Variants in CFAP20DC observed in about 807,000 individuals in gnomAD.
CFAP20DC encodes the protein protein CFAP20DC.
In CFAP20DC, 84 loss-of-function variants were observed where a neutral mutation model predicts 101.7. That is an observed-to-expected ratio of 0.83 (90% CI 0.69 to 0.99). The LOEUF (loss-of-function observed/expected upper bound fraction) is 0.99. Among genes scored for constraint, CFAP20DC ranks in the 50% least tolerant of loss-of-function variants. The pLI is 0.00. For missense variants in CFAP20DC, 1,007 were observed against 970.3 expected (o/e 1.04, Z -0.50); for synonymous variants, 359 against 351.2 (o/e 1.02, Z -0.25).
intron 15 of CFAP20DC, among the ~76,000 whole-genome samples, chr3:58,778,696 T>C (rs1361951404): frequency 6.6e-6 from 1 of 152,230 alleles, no homozygotes; most frequent in Non-Finnish European, 1.5e-5. Flanking sequence ...ATCCAGTGTA[T>C]GCTGCCCTGG....
chr3:58,932,808 A>G (rs1282831942), intron 5 of CFAP20DC, among the ~76,000 whole-genome samples: 6 of 152,240 alleles, frequency 3.9e-5, no homozygotes, highest in African/African-American at 1.2e-4. Context: ...AGTACCAGCA[A>G]CTGCAAAATC....
At chr3:58,876,884 G>C (rs2080795724) in intron 7 of CFAP20DC, among the ~76,000 whole-genome samples, 1 of 152,196 alleles carries the variant, frequency 6.6e-6, no homozygotes, top group South Asian at 2.1e-4. Context: ...TGTAGTATAT[G>C]TGCATTGCTA....
intron 15 of CFAP20DC, among the ~76,000 whole-genome samples, chr3:58,785,219 A>G (rs2072223124): frequency 6.6e-6 from 1 of 152,098 alleles, no homozygotes; most frequent in Non-Finnish European, 1.5e-5. Context: ...CATATGTGAG[A>G]GTTCAAAAAG....
intron 12 of CFAP20DC, among the ~76,000 whole-genome samples, chr3:58,853,615 A>G (rs1201077758): frequency 6.6e-6 from 1 of 152,050 alleles, no homozygotes; most frequent in African/African-American, 2.4e-5. Flanking sequence ...ATCCAGCAGC[A>G]CATCAAAATG....
In CFAP20DC at chr3:58,868,487, C is replaced by A. The variant is rs186904264; in HGVS notation, c.1016-551G>T. Among the ~76,000 whole-genome samples the A allele has an allele frequency of 6.6e-6, 1 of 152,112 alleles. No homozygotes were observed. Among genetic ancestry groups the A allele is most frequent in the Non-Finnish European group, 1.5e-5 (1 of 68,006 alleles). On this transcript the variant is annotated intron_variant, in intron 9 of 16. Transcript: ENST00000482387. The surrounding 1 kb of genome is among the most constrained non-coding windows in gnomAD (Gnocchi z 4.6). ...CACTTAACTGGCTTTTCCCCTGAAT[C>A]CTCACAATGACCCTTTGAGGCACCT...
At chr3:58,880,016 T>G (rs1033031192) in intron 7 of CFAP20DC, among the ~76,000 whole-genome samples, 5 of 151,952 alleles carry the variant, frequency 3.3e-5, no homozygotes, top group Non-Finnish European at 7.4e-5. Context: ...TTTAATTTTA[T>G]AGCAAGTCTT....
intron 5 of CFAP20DC, among the ~76,000 whole-genome samples, chr3:58,935,822 A>T (rs1308480676): frequency 6.6e-6 from 1 of 152,238 alleles, no homozygotes; most frequent in Non-Finnish European, 1.5e-5. Flanking sequence ...TAAAAACCCT[A>T]GAAGAAAACC....
intron 15 of CFAP20DC, among the ~76,000 whole-genome samples, chr3:58,760,566 A>G (rs866483445): frequency 0.027 from 4,137 of 152,142 alleles, 188 homozygotes; most frequent in African/African-American, 0.092. Flanking sequence ...AACTTCCAAC[A>G]CTATGTTGAA....
intron 3 of CFAP20DC, among the ~76,000 whole-genome samples, chr3:59,045,706 T>C (rs1250777168): frequency 1.3e-5 from 2 of 152,154 alleles, no homozygotes; most frequent in Non-Finnish European, 2.9e-5. Context: ...TTATGATTAA[T>C]ATTAAAAGGT....
At chr3:58,796,800 C>A (rs1453713187) in intron 15 of CFAP20DC, among the ~76,000 whole-genome samples, 1 of 152,170 alleles carries the variant, frequency 6.6e-6, no homozygotes, top group Non-Finnish European at 1.5e-5. Flanking sequence ...ACAGCATGGG[C>A]TCACTTTGTG....
chr3:58,740,490 G>A (rs760593963), downstream of CFAP20DC, among the ~76,000 whole-genome samples: 1 of 152,164 alleles, frequency 6.6e-6, no homozygotes, highest in Non-Finnish European at 1.5e-5. This position sits in a 1 kb window ranked among gnomAD's most constrained non-coding sequence, Gnocchi z 4.6. Context: ...GGGCTGCTCT[G>A]ATGTCTGTGC....
In CFAP20DC at chr3:58,728,438, A is replaced by T. The variant is rs2067587031; in HGVS notation, c.198-10810T>A. Among the ~76,000 whole-genome samples, 1 of 152,144 alleles carries T rather than the reference A, an allele frequency of 6.6e-6. No individual in the cohort carries two copies. The highest frequency in any genetic ancestry group is 1.9e-4 in the East Asian group (1 of 5,194). On this transcript the variant is annotated intron_variant, in intron 3 of 3. Transcript: ENST00000486145. This position sits in a 1 kb window ranked among gnomAD's most constrained non-coding sequence, Gnocchi z 4.7. Reference sequence around the variant, plus strand: ...GAATTTTGATGTTTGTGTTATTCAGACCTTTACGTGATTTGTAAAAACTTC... The same window carrying T: ...GAATTTTGATGTTTGTGTTATTCAGTCCTTTACGTGATTTGTAAAAACTTC...
rs9852739 is a variant in CFAP20DC at position 58,868,109 on chromosome 3, G to A, written c.1016-173C>T. ...GAAAATAGGCATTTATTCCTATTCC[G>A]ATATTGGGATCCTATCAGGCTTTCA... On this transcript the variant is annotated intron_variant, in intron 9 of 16. Transcript: ENST00000482387. The surrounding 1 kb of genome is among the most constrained non-coding windows in gnomAD (Gnocchi z 4.6). Among the ~76,000 whole-genome samples the A allele has an allele frequency of 6.6e-6, 1 of 152,034 alleles. No individual in the cohort carries two copies. Among genetic ancestry groups the A allele is most frequent in the Non-Finnish European group, 1.5e-5 (1 of 68,000 alleles).
At chr3:58,981,792 C>A (rs2092558728) in intron 4 of CFAP20DC, among the ~76,000 whole-genome samples, 2 of 152,142 alleles carry the variant, frequency 1.3e-5, no homozygotes, top group Admixed American at 6.5e-5. Flanking sequence ...AGGACATAGG[C>A]ATGGGCAAGG....
intron 4 of CFAP20DC, among the ~76,000 whole-genome samples, chr3:58,990,967 T>G (rs1332533985): frequency 3.3e-5 from 5 of 152,330 alleles, no homozygotes; most frequent in Non-Finnish European, 7.4e-5. Context: ...GCAAACTTCA[T>G]GAAGACAGAG....
At position 58,869,364 on chromosome 3, in the gene CFAP20DC, T is replaced by C; in HGVS notation, c.979A>G (p.Asn327Asp). Residue 327 changes from asparagine to aspartate, a missense_variant, in exon 9 of 17, where the codon AAT becomes GAT. Asn to Asp is a conservative substitution (Grantham distance 23). Coordinates refer to ENST00000482387, the MANE Select transcript of CFAP20DC (RefSeq NM_001394063.1). This position sits in a 1 kb window ranked among gnomAD's most constrained non-coding sequence, Gnocchi z 4.3. The part of the protein sequence containing the change: ...PESEEQGNKE[N>D]IHQIKQTVPI... ...ACAGTCTGCTTTATTTGGTGAATAT[T>C]TTCTTTATTTCCTTGTTCCTCAGAC... The C allele has an allele frequency of 6.2e-7, 1 of 1,613,762 alleles. No homozygotes were observed. Among genetic ancestry groups the C allele is most frequent in the Non-Finnish European group, 8.5e-7 (1 of 1,179,762 alleles).
At chr3:58,808,175 C>A (rs188878760) in intron 14 of CFAP20DC, among the ~76,000 whole-genome samples, 92 of 152,266 alleles carry the variant, frequency 6.0e-4, no homozygotes, top group African/African-American at 6.5e-4. Flanking sequence ...CCCAATCTAG[C>A]AAGGCAGGCT....
intron 5 of CFAP20DC, among the ~76,000 whole-genome samples, chr3:58,921,520 C>T (rs1339590942): frequency 6.6e-6 from 1 of 151,946 alleles, no homozygotes. Flanking sequence ...AAGTATGTTA[C>T]TTTATTTCAA....
chr3:58,867,964 C>T (rs1251378728), intron 9 of CFAP20DC, 28 bp from the exon 10 acceptor site: 2 of 1,582,590 alleles, frequency 1.3e-6, no homozygotes, highest in Admixed American at 3.6e-5. Context: ...AGCACAAAAG[C>T]CAGAACAGAA....
Sources: allele counts gnomAD v4.1 joint callset (sites outside exome capture counted in the v4.1 genomes callset), GRCh38; gene constraint gnomAD v4.1.1; non-coding constraint Gnocchi (gnomAD v3.1); transcripts MANE v1.5; gene names NCBI Gene and HGNC (gene_info 2026-07-23, HGNC 2026-07-21).